Variants in GTF2F2 observed in about 807,000 individuals in gnomAD.
The protein encoded by GTF2F2 is general transcription factor IIF subunit 2.
GTF2F2 carries 23 observed loss-of-function variants against 42.2 expected under a neutral mutation model. That is an observed-to-expected ratio of 0.55 (90% CI 0.39 to 0.77). The LOEUF is 0.77. Ranked by LOEUF, GTF2F2 falls within the 30% of genes least tolerant of loss-of-function variation. GTF2F2 has a pLI of 0.00. For missense variants in GTF2F2, 261 were observed against 287.2 expected (o/e 0.91, Z 0.66); for synonymous variants, 105 against 100.8 (o/e 1.04, Z -0.25).
chr13:45,281,088 A>G (rs1048600099), intron 7 of GTF2F2, among the ~76,000 whole-genome samples: 2 of 152,238 alleles, frequency 1.3e-5, no homozygotes, highest in African/African-American at 2.4e-5. Context: ...GTAATTTGAA[A>G]TAGCAGGTGG....
At position 45,220,101 on chromosome 13, in the gene GTF2F2, G is replaced by A. The variant is rs868637587; in HGVS notation, c.386+12596G>A. On this transcript the variant is annotated intron_variant, in intron 5 of 7. Coordinates refer to ENST00000340473, the MANE Select transcript of GTF2F2 (RefSeq NM_004128.3). ...GAAGAGTACCTGACACCTAGTAGGT[G>A]CGTGATAAATACTTGTTAAGTAAAG... is the stretch of plus-strand genomic sequence containing the variant. Among the ~76,000 whole-genome samples the A allele has an allele frequency of 1.6e-4, 24 of 152,300 alleles. 1 individual carries two copies. In the Middle Eastern group the frequency reaches 0.01, roughly 65 times the overall value.
chr13:45,168,906 T>TC (rs145117805), intron 4 of GTF2F2, among the ~76,000 whole-genome samples: 70,846 of 87,250 alleles, frequency 0.81, 30,275 homozygotes, highest in East Asian at 0.93. Context: ...CCTCCCTCCC[T>TC]CCTCCTTCCT....
At chr13:45,224,570 CATTTT>C (rs976717735) in intron 5 of GTF2F2, among the ~76,000 whole-genome samples, 5 of 152,134 alleles carry the variant, frequency 3.3e-5, no homozygotes, top group African/African-American at 1.2e-4. Flanking sequence ...TAGAATATCT[CATTTT>C]AGTTGGAGGA....
chr13:45,146,809 C>A (rs1406081434), intron 2 of GTF2F2, among the ~76,000 whole-genome samples: 1 of 152,126 alleles, frequency 6.6e-6, no homozygotes, highest in Non-Finnish European at 1.5e-5. Flanking sequence ...ATGTTTACTT[C>A]ATTAATTTCT....
At chr13:45,254,323 A>T (rs938265057) in intron 6 of GTF2F2, among the ~76,000 whole-genome samples, 1 of 152,206 alleles carries the variant, frequency 6.6e-6, no homozygotes, top group African/African-American at 2.4e-5. Context: ...TCAGGCACCA[A>T]GTGGGGCAGG....
chr13:45,207,220 A>T (rs1873452513), intron 4 of GTF2F2: 1 of 485,110 alleles, frequency 2.1e-6, no homozygotes, highest in Non-Finnish European at 3.7e-6. Context: ...TAATAAACAA[A>T]TCTGACAGGA....
Position 45,284,028 on chromosome 13 carries a change from G to A in GTF2F2, c.*467G>A, listed in dbSNP as rs138776671. ...TTTTGAAATTGTCAAAGAACAAAGCGGTGTTTTTCTTTTAAACAGGTGATC... is the reference window on the plus strand; with the variant it reads ...TTTTGAAATTGTCAAAGAACAAAGCAGTGTTTTTCTTTTAAACAGGTGATC... On this transcript the variant is annotated 3_prime_UTR_variant, in exon 8 of 8. Transcript: ENST00000340473. 5 of 152,176 alleles carry A rather than the reference G, an allele frequency of 3.3e-5. No homozygotes were observed. The highest frequency in any genetic ancestry group is 1.9e-4 in the East Asian group (1 of 5,172). The allele number at this position is 152,176 out of a possible 1,614,324, so 9.4% of individuals were successfully genotyped here. A position where few individuals can be genotyped will look rare whatever the true frequency, so the allele number is the denominator to read the frequency against.
chr13:45,199,740 G>A (rs1480066157), intron 4 of GTF2F2, among the ~76,000 whole-genome samples: 1 of 152,158 alleles, frequency 6.6e-6, no homozygotes, highest in Non-Finnish European at 1.5e-5. Context: ...AAAATGAAGG[G>A]CATAACTTTG....
At position 45,224,751 on chromosome 13, in the gene GTF2F2, G is replaced by A. The variant is rs74070134; in HGVS notation, c.386+17246G>A. Among the ~76,000 whole-genome samples, 82 of 152,322 alleles carry A rather than the reference G, an allele frequency of 5.4e-4. 1 individual carries two copies. The highest frequency in any genetic ancestry group is 1.9e-3 in the African/African-American group (79 of 41,578). On this transcript the variant is annotated intron_variant, in intron 5 of 7. Transcript: ENST00000340473. ...GCAAGTAAATGAACTCTATTAAGCT[G>A]TTGATTGCCAAAGCTTGTTTTTCTG... is the stretch of plus-strand genomic sequence containing the variant.
intron 4 of GTF2F2, among the ~76,000 whole-genome samples, chr13:45,191,224 A>ATATATATATATAT (rs1555267736): frequency 7.3e-4 from 55 of 75,302 alleles, no homozygotes; most frequent in African/African-American, 4.4e-3. Context: ...ACAAAAAAAA[A>ATATATATATATAT]ATATATATAT....
At chr13:45,228,409 A>G (rs909236530) in intron 5 of GTF2F2, among the ~76,000 whole-genome samples, 3 of 142,184 alleles carry the variant, frequency 2.1e-5, no homozygotes, top group Admixed American at 7.1e-5. Flanking sequence ...GTACTAGTCT[A>G]TCTTGCCCAC....
chr13:45,247,388 G>C (rs1475100413), intron 5 of GTF2F2, among the ~76,000 whole-genome samples: 1 of 151,248 alleles, frequency 6.6e-6, no homozygotes, highest in African/African-American at 2.4e-5. Context: ...CAGATACCTG[G>C]TTTTTTTGTT....
chr13:45,279,925 C>A (rs1282454268), intron 7 of GTF2F2, among the ~76,000 whole-genome samples: 2 of 151,680 alleles, frequency 1.3e-5, no homozygotes, highest in Admixed American at 6.6e-5. Flanking sequence ...CCCGCCCCCC[C>A]CAAAAAAGGA....
rs1178502679 is a variant in GTF2F2 at position 45,284,219 on chromosome 13, A to C, written c.*658A>C. The stretch of plus-strand genomic sequence containing the variant: ...TGCTTTTAAGATAATTAGAAATTAA[A>C]TATCTTTCCAAAATTTGAAGATATG... On this transcript the variant is annotated 3_prime_UTR_variant, in exon 8 of 8. Transcript: ENST00000340473. The C allele has an allele frequency of 6.6e-6, 1 of 152,130 alleles. No homozygotes were observed. The highest frequency in any genetic ancestry group is 1.5e-5 in the Non-Finnish European group (1 of 68,022). The allele number at this position is 152,130 out of a possible 1,614,324, so 9.4% of individuals were successfully genotyped here.
intron 5 of GTF2F2, among the ~76,000 whole-genome samples, chr13:45,212,459 C>CTTTTCTTTTCTTTCTTTCT (rs55758635): frequency 2.6e-4 from 21 of 79,290 alleles, no homozygotes; most frequent in Non-Finnish European, 5.4e-4. Context: ...TTCTTTCTTT[C>CTTTTCTTTTCTTTCTTTCT]TTTCTTTCTT....
chr13:45,172,176 A>C (rs1380892555), intron 4 of GTF2F2, among the ~76,000 whole-genome samples: 1 of 152,152 alleles, frequency 6.6e-6, no homozygotes, highest in Non-Finnish European at 1.5e-5. Context: ...AACACTTGTT[A>C]TTGTCTGTCC....
rs549312647 is a variant in GTF2F2, at chr13:45,121,702, G to A, written c.66+981G>A. 3.3e-5 allele frequency among the ~76,000 whole-genome samples: 5 copies of A among 152,252 alleles called. No homozygotes were observed. The South Asian group carries it at 1.0e-3, about 32-fold the overall frequency. ...CACATTCCATGAGAACAGGATCTTT[G>A]CCTGTCATACCCAGAATAGTGTTTG... On this transcript the variant is annotated intron_variant, in intron 1 of 7. Transcript: ENST00000340473.
chr13:45,173,281 T>A (rs887275464), intron 4 of GTF2F2, among the ~76,000 whole-genome samples: 1 of 152,204 alleles, frequency 6.6e-6, no homozygotes, highest in Non-Finnish European at 1.5e-5. Flanking sequence ...TTGCAATTCA[T>A]GGTACTATAC....
In GTF2F2 at chr13:45,191,215, C is replaced by CAAA. The variant is rs1158010068; in HGVS notation, c.305-16201_305-16199dup. Among the ~76,000 whole-genome samples the CAAA allele has an allele frequency of 4.3e-3, 324 of 74,840 alleles. 15 individuals carry two copies. The highest frequency in any genetic ancestry group is 0.019 in the African/African-American group (221 of 11,620). The allele number at this position is 74,840 out of a possible 152,430, so 49.1% of individuals were successfully genotyped here. On this transcript the variant is annotated intron_variant, in intron 4 of 7. Transcript: ENST00000340473. ...TGAAACCCCGTCTCTACTAAAAATA[C>CAAA]AAAAAAAAAATATATATATATATAT...
Sources: allele counts gnomAD v4.1 joint callset (sites outside exome capture counted in the v4.1 genomes callset), GRCh38; gene constraint gnomAD v4.1.1; transcripts MANE v1.5; gene names NCBI Gene and HGNC (gene_info 2026-07-23, HGNC 2026-07-21).